Variants in TRIO observed in about 807,000 individuals in gnomAD.
TRIO encodes trio Rho guanine nucleotide exchange factor.
A neutral mutation model predicts 351.9 loss-of-function variants in TRIO; 58 were observed. The ratio of observed to expected loss-of-function variants is 0.16; its 90% CI spans 0.13 to 0.21. The LOEUF is 0.21. Ranked by LOEUF, TRIO falls within the 10% of genes least tolerant of loss-of-function variation. TRIO has a pLI of 1.00. For synonymous variants in TRIO, 1,758 were observed against 1,595.7 expected, an observed-to-expected ratio of 1.10 and a Z score of -2.42; for missense variants, 3,201 against 4,027.8, an observed-to-expected ratio of 0.79 and a Z score of 5.56.
chr5:14,480,109 C>G, intron 43 of TRIO, 98 bp downstream of exon 43: 1 of 1,109,544 alleles, frequency 9.0e-7, no homozygotes, highest in Non-Finnish European at 1.3e-6. Context: ...ACAGGGGAAT[C>G]ATCTGTGTAA....
intron 34 of TRIO, among the ~76,000 whole-genome samples, chr5:14,423,727 T>C (rs890937): frequency 0.72 from 109,707 of 151,932 alleles, 40,402 homozygotes; most frequent in East Asian, 0.92. Flanking sequence ...CTGGAGTGCC[T>C]GGCATGAATC....
At position 14,337,362 on chromosome 5, in the gene TRIO, A is replaced by C. The variant is rs1322577605; in HGVS notation, c.2046+635A>C. On this transcript the variant is annotated intron_variant, in intron 11 of 56. Transcript: ENST00000344204. ...CTACTATGTAGCTTCTGAGGAAAAA[A>C]TAATTTAAAATAAAAGTTCATATTC... is the stretch of plus-strand genomic sequence containing the variant. Among the ~76,000 whole-genome samples the C allele has an allele frequency of 2.0e-5, 3 of 152,350 alleles. No individual in the cohort carries two copies. In the East Asian group the frequency reaches 5.8e-4, roughly 29 times the overall value.
chr5:14,144,750 G>A (rs962424033), intron 1 of TRIO, among the ~76,000 whole-genome samples: 1 of 151,962 alleles, frequency 6.6e-6, no homozygotes, highest in Non-Finnish European at 1.5e-5. Context: ...CTGCGCAGGG[G>A]GCGTGACAGG....
At chr5:14,481,433 A>G in intron 44 of TRIO, 108 bp from the exon 45 acceptor site, 7 of 1,495,800 alleles carry the variant, frequency 4.7e-6, no homozygotes, top group Middle Eastern at 1.8e-4. Flanking sequence ...AGCCCTGCAC[A>G]CTAGAGGGTG....
At chr5:14,361,644 T>G (rs1333902663) in intron 13 of TRIO, among the ~76,000 whole-genome samples, 1 of 152,162 alleles carries the variant, frequency 6.6e-6, no homozygotes, top group Non-Finnish European at 1.5e-5. Flanking sequence ...GTCCCTCATA[T>G]CTCTTGTGTT....
intron 1 of TRIO, among the ~76,000 whole-genome samples, chr5:14,160,016 T>C (rs1788359787): frequency 6.6e-6 from 1 of 152,256 alleles, no homozygotes; most frequent in Non-Finnish European, 1.5e-5. Flanking sequence ...GTGCCTGTTT[T>C]AGAATTGAGT....
At chr5:14,350,765 C>T (rs571488003) in intron 11 of TRIO, among the ~76,000 whole-genome samples, 1 of 152,268 alleles carries the variant, frequency 6.6e-6, no homozygotes, top group South Asian at 2.1e-4. Flanking sequence ...TCCTCCCCAC[C>T]TCCACCCCAT....
At position 14,419,819 on chromosome 5, in the gene TRIO, C is replaced by A; in HGVS notation, c.5001C>A (p.Phe1667Leu). ...AGCTGACAGTGGTGATCCATGACTT[C>A]ACCGCTTGCAACAGCAACGAGCTGA... ...GCELTVVIHD[F>L]TACNSNELTI... Residue 1667 changes from phenylalanine (F) to leucine (L), a missense_variant, in exon 34 of 57, where the codon TTC becomes TTA. Phe to Leu is a conservative substitution (Grantham distance 22, BLOSUM62 0). Transcript: ENST00000344204. The A allele has an allele frequency of 6.2e-7, 1 of 1,614,220 alleles. No homozygotes were observed. The highest frequency in any genetic ancestry group is 8.5e-7 in the Non-Finnish European group (1 of 1,180,046).
intron 53 of TRIO, among the ~76,000 whole-genome samples, chr5:14,501,402 T>A (rs144595271): frequency 6.6e-6 from 1 of 152,344 alleles, no homozygotes; most frequent in African/African-American, 2.4e-5. Flanking sequence ...GATTTGAGGC[T>A]TTGTGTGTGC....
chr5:14,396,098 A>G (rs1747550240), intron 28 of TRIO, among the ~76,000 whole-genome samples: 1 of 151,306 alleles, frequency 6.6e-6, no homozygotes, highest in Non-Finnish European at 1.5e-5. Flanking sequence ...AGGTGAACTT[A>G]CTGTTCCTGT....
chr5:14,394,772 A>C (rs1305435690), intron 28 of TRIO, among the ~76,000 whole-genome samples: 2 of 152,250 alleles, frequency 1.3e-5, no homozygotes, highest in African/African-American at 4.8e-5. Flanking sequence ...TTAAGAAAAC[A>C]ATAGTGATTA....
chr5:14,454,832 T>C (rs2126453077), intron 34 of TRIO, among the ~76,000 whole-genome samples: 1 of 152,326 alleles, frequency 6.6e-6, no homozygotes, highest in East Asian at 1.9e-4. Context: ...TTACAGTTTT[T>C]AAAGATGGTG....
In TRIO at chr5:14,488,280, C is replaced by T. The variant is rs1172816993; in HGVS notation, c.7632+20C>T. On this transcript the variant is annotated intron_variant, in intron 48 of 56. Transcript: ENST00000344204. ...AACGGGGTAAGCGCGTCGGGGGGCCCGCGCCCTCCCGCCCCCCTGCCTCTG... is the reference window on the plus strand; with the variant it reads ...AACGGGGTAAGCGCGTCGGGGGGCCTGCGCCCTCCCGCCCCCCTGCCTCTG... 1.3e-6 allele frequency: 2 copies of T among 1,531,806 alleles called. No individual in the cohort carries two copies. Among genetic ancestry groups the T allele is most frequent in the Non-Finnish European group, 8.8e-7 (1 of 1,142,568 alleles). 94.9% of individuals were successfully genotyped at this position (1,531,806 alleles called of 1,614,324 possible). A position where few individuals can be genotyped will look rare whatever the true frequency, so the allele number is the denominator to read the frequency against.
intron 11 of TRIO, among the ~76,000 whole-genome samples, chr5:14,357,205 G>A (rs556090566): frequency 5.9e-5 from 9 of 152,316 alleles, no homozygotes; most frequent in South Asian, 2.1e-4. Flanking sequence ...GGCAGCAGGC[G>A]TTGCACAGGG....
intron 1 of TRIO, among the ~76,000 whole-genome samples, chr5:14,238,353 C>G (rs1793911175): frequency 6.6e-6 from 1 of 152,158 alleles, no homozygotes; most frequent in South Asian, 2.1e-4. Flanking sequence ...AACATTTATA[C>G]TGTCAGTGCT....
At chr5:14,429,370 T>C (rs999337937) in intron 34 of TRIO, among the ~76,000 whole-genome samples, 15 of 152,176 alleles carry the variant, frequency 9.9e-5, no homozygotes, top group Non-Finnish European at 1.9e-4. Flanking sequence ...AGATGAGATT[T>C]TGTGATTATA....
At position 14,465,168 on chromosome 5, in the gene TRIO, T is replaced by C. The variant is rs6889053; in HGVS notation, c.5668-377T>C. ...CTCTCACTAGACCCTAAGCCTCTCA[T>C]TCTGCTGTAGGTCAGATTCTCTATT... On this transcript the variant is annotated intron_variant, in intron 36 of 56. Transcript: ENST00000344204. Among the ~76,000 whole-genome samples the C allele has an allele frequency of 5.0e-3, 763 of 152,288 alleles. 9 individuals carry two copies. Among genetic ancestry groups the C allele is most frequent in the African/African-American group, 0.018 (731 of 41,556 alleles).
At chr5:14,367,809 T>C (rs1744734737) in intron 16 of TRIO, among the ~76,000 whole-genome samples, 1 of 152,208 alleles carries the variant, frequency 6.6e-6, no homozygotes, top group African/African-American at 2.4e-5. Context: ...TTTGGTGCCA[T>C]TGGACATGCA....
At chr5:14,429,895 C>T (rs371560359) in intron 34 of TRIO, among the ~76,000 whole-genome samples, 6 of 152,140 alleles carry the variant, frequency 3.9e-5, no homozygotes, top group African/African-American at 1.4e-4. Flanking sequence ...TGGCTTTTAT[C>T]CCTTGACCCC....
Sources: gnomAD v4.1 joint callset for allele counts (sites outside exome capture counted in the v4.1 genomes callset) on GRCh38, gnomAD v4.1.1 for gene constraint, MANE v1.5 for transcripts, NCBI Gene and HGNC (gene_info 2026-07-23, HGNC 2026-07-21) for gene names.